CD36: variants seen among roughly 807,000 people sequenced by gnomAD.
CD36 encodes the protein CD36 molecule (CD36 blood group).
A neutral mutation model predicts 55.2 loss-of-function variants in CD36; 119 were observed. That is an observed-to-expected ratio of 2.15 (90% CI 1.86 to 2.51). CD36 has a LOEUF of 2.51. Among genes scored for constraint, CD36 ranks in the 30% most tolerant of loss-of-function variants. The pLI is 0.00. For synonymous variants in CD36, 186 were observed against 193.6 expected, an observed-to-expected ratio of 0.96 and a Z score of 0.33; for missense variants, 819 against 555.5, an observed-to-expected ratio of 1.47 and a Z score of -4.77.
At chr7:80,669,262 A>G (rs1038992243) in intron 8 of CD36, among the ~76,000 whole-genome samples, 1 of 152,178 alleles carries the variant, frequency 6.6e-6, no homozygotes, top group African/African-American at 2.4e-5. Context: ...GTTGTTGACA[A>G]TAGCAGCCGC....
At chr7:80,641,271 C>T (rs1010414999) in intron 1 of CD36, among the ~76,000 whole-genome samples, 6 of 152,036 alleles carry the variant, frequency 3.9e-5, no homozygotes, top group African/African-American at 1.4e-4. Flanking sequence ...GATTGTTTTA[C>T]ACCCATTTCT....
chr7:80,633,582 A>C (rs1447396079), intron 1 of CD36, among the ~76,000 whole-genome samples: 2 of 151,938 alleles, frequency 1.3e-5, no homozygotes, highest in African/African-American at 2.4e-5. Context: ...TTTGCAATTT[A>C]ATATTCAAAT....
At chr7:80,670,213 G>A in intron 9 of CD36, 191 bp downstream of exon 9, 1 of 583,932 alleles carries the variant, frequency 1.7e-6, no homozygotes, top group East Asian at 2.9e-5. Flanking sequence ...ATCTAAGCAA[G>A]AACCATTTTG....
intron 6 of CD36, 34 bp downstream of exon 6, chr7:80,663,203 A>T (rs760371584): frequency 6.5e-7 from 1 of 1,535,324 alleles, no homozygotes; most frequent in South Asian, 1.1e-5. Flanking sequence ...ATATTATTAC[A>T]TTTTAATTTA....
intron 1 of CD36, among the ~76,000 whole-genome samples, chr7:80,612,946 T>C (rs563083948): frequency 6.6e-6 from 1 of 152,300 alleles, no homozygotes; most frequent in East Asian, 1.9e-4. Flanking sequence ...GATTCAAGTC[T>C]GTGATTGAAT....
At chr7:80,632,689 T>C (rs1794153856) in intron 1 of CD36, among the ~76,000 whole-genome samples, 1 of 152,010 alleles carries the variant, frequency 6.6e-6, no homozygotes, top group East Asian at 1.9e-4. Flanking sequence ...TTAAACAAAA[T>C]AAGAAAAACC....
chr7:80,646,682 T>A lies in CD36; in HGVS notation c.-59T>A. ...GAGCTTGTAGAAACCACTTTAATCA[T>A]ATCCAGGAGTTTGCAAGAAACAGGT... On this transcript the variant is annotated 5_prime_UTR_variant, in exon 3 of 15. Coordinates refer to ENST00000447544, the MANE Select transcript of CD36 (RefSeq NM_001001548.3). 5.0e-6 allele frequency: 8 copies of A among 1,607,462 alleles called. No individual in the cohort carries two copies. Among genetic ancestry groups the A allele is most frequent in the Non-Finnish European group, 6.8e-6 (8 of 1,174,376 alleles).
chr7:80,623,812 A>G (rs1283639826), intron 1 of CD36: 2 of 152,232 alleles, frequency 1.3e-5, no homozygotes, highest in Non-Finnish European at 2.9e-5. Flanking sequence ...GGGAATTACT[A>G]TGAGAAAGTA....
intron 1 of CD36, among the ~76,000 whole-genome samples, chr7:80,607,970 C>G (rs529599977): frequency 1.6e-4 from 24 of 152,202 alleles, no homozygotes; most frequent in African/African-American, 5.8e-4. Context: ...TGGGGTTTCA[C>G]TGTGTTAGCC....
chr7:80,674,583 A>G (rs1297560213), intron 14 of CD36, among the ~76,000 whole-genome samples: 1 of 151,742 alleles, frequency 6.6e-6, no homozygotes, highest in Non-Finnish European at 1.5e-5. Flanking sequence ...TTTGAATATA[A>G]TAGTATCAGG....
chr7:80,610,497 C>T (rs10268404), intron 1 of CD36, among the ~76,000 whole-genome samples: 61,309 of 151,644 alleles, frequency 0.4, 12,574 homozygotes, highest in African/African-American at 0.47. Context: ...GAAGTTTTAG[C>T]GAAACAGAAT....
intron 1 of CD36, among the ~76,000 whole-genome samples, chr7:80,612,146 G>A (rs1027995885): frequency 2.6e-5 from 4 of 152,100 alleles, no homozygotes; most frequent in Non-Finnish European, 4.4e-5. Flanking sequence ...AATTAAACGT[G>A]CACACCTGAA....
intron 3 of CD36, among the ~76,000 whole-genome samples, chr7:80,652,281 AT>A (rs1795687429): frequency 6.6e-6 from 1 of 152,172 alleles, no homozygotes; most frequent in African/African-American, 2.4e-5. Flanking sequence ...TTTACTTTTC[AT>A]GCCAAACACA....
At position 80,673,976 on chromosome 7, in the gene CD36, A is replaced by ATTACAGACTGGGAC. The variant is rs1298170947; in HGVS notation, c.1255-6_1262dup. ...CCAAATAATGTTGATTATTAACTTG[A>ATTACAGACTGGGAC]TTACAGACTGGGACCATTGGTGATG... On this transcript the variant is annotated splice_region_variant and splice_polypyrimidine_tract_variant and intron_variant, in intron 13 of 14. Coordinates refer to ENST00000447544, the MANE Select transcript of CD36 (RefSeq NM_001001548.3). 1.2e-6 allele frequency: 2 copies of ATTACAGACTGGGAC among 1,609,372 alleles called. No homozygotes were observed. The highest frequency in any genetic ancestry group is 3.3e-5 in the Admixed American group (2 of 59,858).
intron 1 of CD36, among the ~76,000 whole-genome samples, chr7:80,616,471 A>T (rs1183488086): frequency 4.6e-5 from 7 of 151,456 alleles, no homozygotes; most frequent in Non-Finnish European, 5.9e-5. Context: ...ACACACACAC[A>T]CACGCAATTT....
intron 1 of CD36, among the ~76,000 whole-genome samples, chr7:80,623,217 C>T (rs896547315): frequency 1.8e-4 from 27 of 152,044 alleles, no homozygotes; most frequent in Non-Finnish European, 3.2e-4. Context: ...TGAATGTTCT[C>T]GACCAGGGTG....
intron 1 of CD36, among the ~76,000 whole-genome samples, chr7:80,628,629 C>T (rs185887593): frequency 1.3e-5 from 2 of 152,122 alleles, no homozygotes; most frequent in East Asian, 3.9e-4. Context: ...TGATCTAATG[C>T]CTATGTTTTA....
intron 14 of CD36, chr7:80,676,100 C>T (rs1336396405): frequency 6.6e-6 from 1 of 152,194 alleles, no homozygotes; most frequent in African/African-American, 2.4e-5. Context: ...TATACTGCCA[C>T]TCTACAGGTA....
At chr7:80,633,751 T>C (rs1584328407), upstream of CD36, among the ~76,000 whole-genome samples, 1 of 152,184 alleles carries the variant, frequency 6.6e-6, no homozygotes. Flanking sequence ...TATGCCTAAA[T>C]GTATGTATGT....
Sources: allele counts gnomAD v4.1 joint callset (sites outside exome capture counted in the v4.1 genomes callset), GRCh38; gene constraint gnomAD v4.1.1; transcripts MANE v1.5; gene names NCBI Gene and HGNC (gene_info 2026-07-23, HGNC 2026-07-21).